The following LINGO2 variants were observed in gnomAD, a reference collection of about 807,000 sequenced individuals.
The protein encoded by LINGO2 is leucine-rich repeat and immunoglobulin-like domain-containing nogo receptor-interacting protein 2.
In LINGO2, 14 loss-of-function variants were observed where a neutral mutation model predicts 30.6. That is an observed-to-expected ratio of 0.46 (90% CI 0.30 to 0.72). The LOEUF (loss-of-function observed/expected upper bound fraction) is 0.72. LINGO2 is among the 30% of genes least tolerant of loss of function. LINGO2 has a pLI of 0.07. For synonymous variants in LINGO2, 317 were observed against 288.5 expected, an observed-to-expected ratio of 1.10 and a Z score of -1.00; for missense variants, 729 against 751.7, an observed-to-expected ratio of 0.97 and a Z score of 0.35.
chr9:28,604,934 C>G (rs983778574), intron 1 of LINGO2, among the ~76,000 whole-genome samples: 1 of 151,844 alleles, frequency 6.6e-6, no homozygotes, highest in Non-Finnish European at 1.5e-5. Flanking sequence ...CAGGTAAGCA[C>G]TATTTTTATT....
At chr9:28,485,893 A>T (rs1488172496) in intron 1 of LINGO2, among the ~76,000 whole-genome samples, 1 of 152,058 alleles carries the variant, frequency 6.6e-6, no homozygotes. Context: ...AGTGGAAAAA[A>T]ATATCTTGTT....
the LINGO2 span, among the ~76,000 whole-genome samples, chr9:28,844,493 C>G: frequency 6.6e-6 from 1 of 151,836 alleles, no homozygotes; most frequent in Non-Finnish European, 1.5e-5. Flanking sequence ...AGTTTATATT[C>G]TAAGTATAAC....
intron 1 of LINGO2, among the ~76,000 whole-genome samples, chr9:28,555,704 T>A (rs1162774790): frequency 6.6e-6 from 1 of 152,046 alleles, no homozygotes; most frequent in Non-Finnish European, 1.5e-5. Context: ...AAAAAGCGAA[T>A]TTTAGACCAA....
intron 1 of LINGO2, among the ~76,000 whole-genome samples, chr9:28,593,208 G>C (rs1323712875): frequency 6.6e-6 from 1 of 152,048 alleles, no homozygotes; most frequent in African/African-American, 2.4e-5. Context: ...AAATAAGAAT[G>C]ATAATAAAGC....
intron 1 of LINGO2, among the ~76,000 whole-genome samples, chr9:28,648,007 A>C (rs1481792513): frequency 6.6e-6 from 1 of 151,750 alleles, no homozygotes; most frequent in Non-Finnish European, 1.5e-5. Flanking sequence ...AGAGGGCTGC[A>C]CAATAGTGGA....
intron 2 of LINGO2, among the ~76,000 whole-genome samples, chr9:28,446,880 G>C (rs930075685): frequency 3.3e-5 from 5 of 152,136 alleles, no homozygotes; most frequent in African/African-American, 1.2e-4. Context: ...TACCATAAAT[G>C]ACAGGAAGCC....
At chr9:28,322,014 G>A (rs1825061811) in intron 3 of LINGO2, among the ~76,000 whole-genome samples, 2 of 152,122 alleles carry the variant, frequency 1.3e-5, no homozygotes, top group South Asian at 4.1e-4. Flanking sequence ...CATTCCAAAA[G>A]CTTTCCATGC....
chr9:28,726,128 G>A, the LINGO2 span, among the ~76,000 whole-genome samples: 1 of 152,010 alleles, frequency 6.6e-6, no homozygotes, highest in Non-Finnish European at 1.5e-5. Context: ...TCATAATGTG[G>A]TACTGCTTAT....
chr9:29,146,103 G>A, the LINGO2 span, among the ~76,000 whole-genome samples: 1 of 152,100 alleles, frequency 6.6e-6, no homozygotes, highest in African/African-American at 2.4e-5. Context: ...ATAAAAAAAT[G>A]AATAATAAAG....
At chr9:29,085,679 T>TA in the LINGO2 span, among the ~76,000 whole-genome samples, 1 of 152,122 alleles carries the variant, frequency 6.6e-6, no homozygotes, top group African/African-American at 2.4e-5. Context: ...ACTCTAACAC[T>TA]AATAAAACCT....
At chr9:28,339,809 A>G (rs914128507) in intron 3 of LINGO2, among the ~76,000 whole-genome samples, 12 of 152,186 alleles carry the variant, frequency 7.9e-5, no homozygotes, top group African/African-American at 2.7e-4. Flanking sequence ...TCATTCCTAC[A>G]GGAGTCAAAG....
At chr9:28,574,403 C>T (rs951121862) in intron 1 of LINGO2, among the ~76,000 whole-genome samples, 1 of 152,196 alleles carries the variant, frequency 6.6e-6, no homozygotes, top group Non-Finnish European at 1.5e-5. Context: ...CATACAGTCA[C>T]TGTTTAGTGT....
At chr9:28,966,397 A>G in the LINGO2 span, among the ~76,000 whole-genome samples, 1 of 152,098 alleles carries the variant, frequency 6.6e-6, no homozygotes, top group East Asian at 1.9e-4. Flanking sequence ...AATTCCATAT[A>G]TTTATCTATT....
chr9:28,334,035 A>G (rs1466133826), intron 3 of LINGO2, among the ~76,000 whole-genome samples: 2 of 152,208 alleles, frequency 1.3e-5, no homozygotes, highest in African/African-American at 2.4e-5. Flanking sequence ...TTTGAAAATT[A>G]GATTACAGGC....
chr9:28,455,197 A>G (rs1360449524), intron 2 of LINGO2, among the ~76,000 whole-genome samples: 1 of 152,022 alleles, frequency 6.6e-6, no homozygotes, highest in African/African-American at 2.4e-5. Context: ...GACATCGGTT[A>G]AGGGACAAAA....
At chr9:28,582,298 A>G (rs1824295665) in intron 1 of LINGO2, among the ~76,000 whole-genome samples, 1 of 152,080 alleles carries the variant, frequency 6.6e-6, no homozygotes, top group Non-Finnish European at 1.5e-5. Flanking sequence ...AGAAAGAAAA[A>G]GATTATTGTT....
chr9:28,642,736 A>G (rs1478845652), intron 1 of LINGO2, among the ~76,000 whole-genome samples: 1 of 152,142 alleles, frequency 6.6e-6, no homozygotes. Flanking sequence ...TCTGCTTATT[A>G]TAGGGGTATA....
the LINGO2 span, among the ~76,000 whole-genome samples, chr9:28,884,867 CACACATAT>C: frequency 7.4e-6 from 1 of 135,730 alleles, no homozygotes; most frequent in Non-Finnish European, 1.5e-5. Context: ...ACTATATATA[CACACATAT>C]ACACTATATA....
At chr9:28,117,190 C>T (rs1826934464) in intron 4 of LINGO2, among the ~76,000 whole-genome samples, 1 of 151,800 alleles carries the variant, frequency 6.6e-6, no homozygotes, top group East Asian at 1.9e-4. Flanking sequence ...TCAGTGTGCC[C>T]CTGGTGGGGG....
Sources: gnomAD v4.1 joint callset for allele counts (sites outside exome capture counted in the v4.1 genomes callset) on GRCh38, gnomAD v4.1.1 for gene constraint, MANE v1.5 for transcripts, NCBI Gene and HGNC (gene_info 2026-07-23, HGNC 2026-07-21) for gene names.